The following FAM169A variants were observed in gnomAD, a reference collection of about 807,000 sequenced individuals.
FAM169A encodes family with sequence similarity 169 member A, also known as soluble lamin-associated protein of 75 kDa.
FAM169A carries 24 observed loss-of-function variants against 75.7 expected under a neutral mutation model. That is an observed-to-expected ratio of 0.32 (90% CI 0.23 to 0.45). The LOEUF is 0.45. Among genes scored for constraint, FAM169A ranks in the 20% least tolerant of loss-of-function variants. FAM169A has a pLI of 1.00. For synonymous variants in FAM169A, 271 were observed against 271.0 expected (o/e 1.00, Z 0.00); for missense variants, 673 against 784.0 (o/e 0.86, Z 1.69).
Position 74,801,630 on chromosome 5 carries a change from C to A in FAM169A, c.913-1G>T. On this transcript the variant is annotated splice_acceptor_variant, in intron 8 of 12. Transcript: ENST00000687041. LOFTEE classifies it high-confidence loss of function. The stretch of plus-strand genomic sequence containing the variant: ...CAAAGGCATCTTTTAGAGAATCAAT[C>A]TAAAAAAGAGAGAGATTCAAACCCA... 6.2e-7 allele frequency: 1 copy of A among 1,607,762 alleles called. No homozygotes were observed. The highest frequency in any genetic ancestry group is 1.7e-5 in the Admixed American group (1 of 58,726).
upstream of FAM169A, chr5:74,866,817 T>G (rs1273997217): frequency 3.0e-6 from 3 of 985,426 alleles, no homozygotes; most frequent in East Asian, 3.4e-4. Flanking sequence ...TCCTGAAATT[T>G]ACCCAGAGTG....
chr5:74,832,618 G>A (rs527675439), intron 5 of FAM169A, among the ~76,000 whole-genome samples: 24 of 148,472 alleles, frequency 1.6e-4, no homozygotes, highest in Middle Eastern at 3.7e-3. Context: ...AAATACATAC[G>A]TTGTATGTTT....
In FAM169A at chr5:74,780,589, A is replaced by G. The variant is rs1745364911; in HGVS notation, c.*871T>C. The G allele has an allele frequency of 6.6e-6, 1 of 152,194 alleles. No individual in the cohort carries two copies. The highest frequency in any genetic ancestry group is 2.4e-5 in the African/African-American group (1 of 41,448). 9.4% of individuals were successfully genotyped at this position (152,194 alleles called of 1,614,324 possible). A position where few individuals can be genotyped will look rare whatever the true frequency, so the allele number is the denominator to read the frequency against. On this transcript the variant is annotated 3_prime_UTR_variant, in exon 13 of 13. Coordinates refer to ENST00000687041, the MANE Select transcript of FAM169A (RefSeq NM_001376049.1). Reference sequence around the variant, plus strand: ...AAAAGTAAAATCTCCAGCTTAATTTATCTATCTGATCAGGACCAGAAGTCC... The same window carrying G: ...AAAAGTAAAATCTCCAGCTTAATTTGTCTATCTGATCAGGACCAGAAGTCC...
intron 1 of FAM169A, among the ~76,000 whole-genome samples, chr5:74,851,223 C>T (rs1373741120): frequency 6.6e-6 from 1 of 151,114 alleles, no homozygotes; most frequent in Non-Finnish European, 1.5e-5. Flanking sequence ...AGTCAATTCC[C>T]CTTAGGGCCT....
chr5:74,834,147 T>C (rs958913111), intron 5 of FAM169A, among the ~76,000 whole-genome samples: 2 of 152,136 alleles, frequency 1.3e-5, no homozygotes, highest in African/African-American at 4.8e-5. Flanking sequence ...GGCTAGAAGA[T>C]AGACAAATAT....
At chr5:74,793,459 G>A (rs1746084295) in intron 11 of FAM169A, among the ~76,000 whole-genome samples, 6 of 152,138 alleles carry the variant, frequency 3.9e-5, no homozygotes, top group Admixed American at 3.9e-4. Context: ...ACTCAGGAAT[G>A]GAAAACCAAA....
At chr5:74,865,419 A>G (rs1750268342) in intron 1 of FAM169A, 1 of 152,044 alleles carries the variant, frequency 6.6e-6, no homozygotes, top group Non-Finnish European at 1.5e-5. Context: ...TACGATACCC[A>G]CGCCGCTTCC....
intron 10 of FAM169A, chr5:74,800,147 G>C (rs1361154444): frequency 6.4e-6 from 3 of 467,742 alleles, no homozygotes; most frequent in African/African-American, 5.9e-5. Context: ...TGGCACGATG[G>C]CTAGGAAGCC....
Position 74,838,977 on chromosome 5 carries a change from C to T in FAM169A, c.306G>A (p.Glu102=), listed in dbSNP as rs1474602207. 1 of 1,613,110 alleles carries T rather than the reference C, an allele frequency of 6.2e-7. No homozygotes were observed. Among genetic ancestry groups the T allele is most frequent in the Non-Finnish European group, 8.5e-7 (1 of 1,179,084 alleles). ...AGGATCTTGTTACCTGCTTAAGCCC[C>T]TCTCTTGAAGGAACAGATGTTTTCA... The part of the protein sequence containing the change: ...DIVKTSVPSR[E]GLKQVSTLGE... The change falls in exon 4 of 13, where the codon GAG becomes GAA. Residue 102 remains glutamate, a synonymous_variant. Transcript: ENST00000687041.
At chr5:74,844,484 G>T (rs952065028) in intron 1 of FAM169A, among the ~76,000 whole-genome samples, 4 of 151,300 alleles carry the variant, frequency 2.6e-5, no homozygotes, top group African/African-American at 9.7e-5. Context: ...AAAAAGAAAA[G>T]AAAAGAAAAG....
Position 74,855,417 on chromosome 5 carries a change from C to T in FAM169A, c.-4+10748G>A, listed in dbSNP as rs551732133. On this transcript the variant is annotated intron_variant, in intron 1 of 12. Coordinates refer to ENST00000687041, the MANE Select transcript of FAM169A (RefSeq NM_001376049.1). ...TTCACCATGTTGCCCAGGCTGGTCT[C>T]GAATTCCTGAGCTCGAGCAATCTGC... Among the ~76,000 whole-genome samples the T allele has an allele frequency of 4.6e-5, 7 of 152,234 alleles. No homozygotes were observed. In the South Asian group the frequency reaches 1.2e-3, roughly 27 times the overall value.
intron 11 of FAM169A, among the ~76,000 whole-genome samples, chr5:74,784,181 A>G (rs1289199544): frequency 6.6e-6 from 1 of 152,090 alleles, no homozygotes; most frequent in African/African-American, 2.4e-5. Context: ...GTATTTTCAA[A>G]AAAGATAAAA....
intron 1 of FAM169A, among the ~76,000 whole-genome samples, chr5:74,858,868 G>A (rs1749889242): frequency 6.6e-6 from 1 of 152,096 alleles, no homozygotes; most frequent in Non-Finnish European, 1.5e-5. Context: ...CTCTTAGTTT[G>A]GGATCCATAA....
At chr5:74,810,000 A>C (rs1425151131) in intron 6 of FAM169A, among the ~76,000 whole-genome samples, 2 of 152,240 alleles carry the variant, frequency 1.3e-5, no homozygotes, top group Non-Finnish European at 1.5e-5. Context: ...CAAAGAAATG[A>C]AAACAAACGT....
intron 6 of FAM169A, among the ~76,000 whole-genome samples, chr5:74,809,393 G>C (rs748627668): frequency 6.6e-6 from 1 of 152,048 alleles, no homozygotes; most frequent in East Asian, 1.9e-4. Context: ...AGGAGATCGA[G>C]ACCATCCTGG....
intron 11 of FAM169A, among the ~76,000 whole-genome samples, chr5:74,785,964 A>C (rs1205809363): frequency 6.6e-6 from 1 of 152,212 alleles, no homozygotes; most frequent in Non-Finnish European, 1.5e-5. Context: ...ATAAGGAGAT[A>C]AACATTTGAG....
intron 5 of FAM169A, among the ~76,000 whole-genome samples, chr5:74,832,572 C>A (rs1748369552): frequency 6.6e-6 from 1 of 150,394 alleles, no homozygotes; most frequent in Non-Finnish European, 1.5e-5. Context: ...AAAAATATTA[C>A]ATACATATCA....
intron 1 of FAM169A, among the ~76,000 whole-genome samples, chr5:74,864,773 C>A (rs1750225327): frequency 6.6e-6 from 1 of 152,148 alleles, no homozygotes; most frequent in Non-Finnish European, 1.5e-5. Context: ...GAAAGACGAT[C>A]ATGTTTTATC....
intron 5 of FAM169A, among the ~76,000 whole-genome samples, chr5:74,826,135 G>T (rs1259266789): frequency 6.6e-6 from 1 of 151,876 alleles, no homozygotes. Context: ...AACTCTATTG[G>T]ATTTGTTTTA....
Sources: allele counts gnomAD v4.1 joint callset (sites outside exome capture counted in the v4.1 genomes callset), GRCh38; gene constraint gnomAD v4.1.1; transcripts MANE v1.5; gene names NCBI Gene and HGNC (gene_info 2026-07-23, HGNC 2026-07-21).